PITRM1: variants seen among roughly 807,000 people sequenced by gnomAD.
PITRM1 encodes presequence protease, mitochondrial.
In PITRM1, 100 loss-of-function variants were observed where a neutral mutation model predicts 129.9. The observed-to-expected ratio is 0.77, with a 90% CI of 0.65 to 0.91. The LOEUF is 0.91. Ranked by LOEUF, PITRM1 falls within the 40% of genes least tolerant of loss-of-function variation. The probability of loss-of-function intolerance (pLI) is 0.00; values close to 1 mark genes in which losing one functional copy is unlikely to be tolerated. For synonymous variants in PITRM1, 591 were observed against 508.8 expected (o/e 1.16, Z -2.17); for missense variants, 1,471 against 1,318.3 (o/e 1.12, Z -1.79).
chr10:3,145,793 T>C, intron 20 of PITRM1, 77 bp from the exon 21 acceptor site: 2 of 1,134,238 alleles, frequency 1.8e-6, no homozygotes, highest in Non-Finnish European at 2.6e-6. Context: ...TTTGTATAAC[T>C]CAATAATGTT....
chr10:3,149,646 G>C lies in PITRM1; in HGVS notation c.1846C>G (p.Pro616Ala). The change falls in exon 16 of 27, where the codon CCC becomes GCC. Residue 616 changes from proline (P) to alanine (A), a missense_variant. Coordinates refer to ENST00000224949, the MANE Select transcript of PITRM1 (RefSeq NM_014889.4). ...TLPEELRPYV[P>A]LFCSVLTKLG... is the part of the protein sequence containing the mutation. ...TTGGTGAGGACGCTGCAGAAGAGGG[G>C]CACATAGGGCCTCAGCTCCTCGGGG... is the stretch of plus-strand genomic sequence containing the variant. The C allele has an allele frequency of 6.3e-7, 1 of 1,586,568 alleles. No homozygotes were observed. The highest frequency in any genetic ancestry group is 8.6e-7 in the Non-Finnish European group (1 of 1,169,524).
At position 3,148,036 on chromosome 10, in the gene PITRM1, C is replaced by G. The variant is rs1841088733; in HGVS notation, c.2020G>C (p.Asp674His). Residue 674 changes from aspartate to histidine, a missense_variant, in exon 18 of 27, where the codon GAT (aspartate) becomes CAT (histidine). Transcript: ENST00000224949. ...TGCATCATGTCTGGCAGGTTTCGAT[C>G]CAGGCAGAGAGAGGAGAAAAGCACA... ...QGVLFSSLCLDRNLPDMMQLW... is the reference protein window; with the variant it reads ...QGVLFSSLCLHRNLPDMMQLW... 1.9e-6 allele frequency: 3 copies of G among 1,613,802 alleles called. No homozygotes were observed. In the African/African-American group the frequency reaches 4.0e-5, roughly 22 times the overall value.
In PITRM1 at chr10:3,138,980, G is replaced by A. The variant is rs1419880936; in HGVS notation, c.2841C>T (p.Phe947=). ...KAVDWAKSGK[F]TQQDIDEAKL... is the part of the protein sequence containing the mutation. ...TGGCTTCGTCGATGTCTTGCTGTGT[G>A]AATTTTCCAGACTTAGCCCAGTCGA... The change falls in exon 25 of 27, where the codon TTC becomes TTT. Residue 947 remains phenylalanine (F), a synonymous_variant. Coordinates refer to ENST00000224949, the MANE Select transcript of PITRM1 (RefSeq NM_014889.4). 1 of 1,613,816 alleles carries A rather than the reference G, an allele frequency of 6.2e-7. No individual in the cohort carries two copies. Among genetic ancestry groups the A allele is most frequent in the Non-Finnish European group, 8.5e-7 (1 of 1,179,708 alleles).
Position 3,167,058 on chromosome 10 carries a change from A to G in PITRM1, c.160-16T>C. The G allele has an allele frequency of 6.7e-7, 1 of 1,499,256 alleles. No homozygotes were observed. The allele number at this position is 1,499,256 out of a possible 1,614,324, so 92.9% of individuals were successfully genotyped here. On this transcript the variant is annotated splice_polypyrimidine_tract_variant and intron_variant, in intron 2 of 26. Coordinates refer to ENST00000224949, the MANE Select transcript of PITRM1 (RefSeq NM_014889.4). ...CAGATGTCACCTGAGTTAACAAGAAAAACACGACCAGTTAAACTTAGACAA... is the reference window on the plus strand; with the variant it reads ...CAGATGTCACCTGAGTTAACAAGAAGAACACGACCAGTTAAACTTAGACAA...
intron 1 of PITRM1, among the ~76,000 whole-genome samples, chr10:3,171,571 G>A (rs1252037808): frequency 1.3e-5 from 2 of 152,144 alleles, no homozygotes; most frequent in Admixed American, 1.3e-4. Context: ...CTCCTGAGTG[G>A]CTGGGACTAC....
At chr10:3,158,660 T>C (rs9423708) in intron 10 of PITRM1, among the ~76,000 whole-genome samples, 101,477 of 152,106 alleles carry the variant, frequency 0.67, 34,111 homozygotes, top group Non-Finnish European at 0.72. Flanking sequence ...TGGACAAATG[T>C]CCCCTTGGGG....
chr10:3,138,660 G>A (rs1473652455), intron 25 of PITRM1: 3 of 631,394 alleles, frequency 4.8e-6, no homozygotes, highest in African/African-American at 1.8e-5. Flanking sequence ...ACCCTAAAGA[G>A]CCCGGACACT....
intron 6 of PITRM1, 85 bp downstream of exon 6, chr10:3,165,153 T>C (rs1842752339): frequency 4.1e-6 from 4 of 977,466 alleles, no homozygotes; most frequent in Non-Finnish European, 4.5e-6. Context: ...GAATATTAAA[T>C]AAAATCTTCC....
Position 3,137,759 on chromosome 10 carries a change from C to A in PITRM1, c.*272G>T, listed in dbSNP as rs536105223. The A allele has an allele frequency of 2.8e-5, 13 of 456,554 alleles. No individual in the cohort carries two copies. The East Asian group carries it at 6.0e-4, about 21-fold the overall frequency. The allele number at this position is 456,554 out of a possible 1,614,324, so 28.3% of individuals were successfully genotyped here. On this transcript the variant is annotated 3_prime_UTR_variant, in exon 27 of 27. Coordinates refer to ENST00000224949, the MANE Select transcript of PITRM1 (RefSeq NM_014889.4). ...CAGAGTTGCCCTTTATTTTTAGATT[C>A]TTAAATATTCTAGAATGAGGTAAAA... is the stretch of plus-strand genomic sequence containing the variant.
At position 3,140,701 on chromosome 10, in the gene PITRM1, G is replaced by T; in HGVS notation, c.2757C>A (p.Thr919=). ...GCAAAACTCACCTGTAAGAGTAAAG[G>T]GTGAAAATCCCATTGTGGCTGAGTT... The part of the protein sequence containing the change: ...GAKLSHNGIF[T]LYSYRDPNTI... Residue 919 remains threonine, a synonymous_variant, in exon 24 of 27, where the codon ACC becomes ACA. Transcript: ENST00000224949. 2 of 1,600,102 alleles carry T rather than the reference G, an allele frequency of 1.2e-6. No homozygotes were observed. Among genetic ancestry groups the T allele is most frequent in the East Asian group, 2.2e-5 (1 of 44,580 alleles).
intron 7 of PITRM1, among the ~76,000 whole-genome samples, chr10:3,162,064 C>T (rs1240516091): frequency 6.6e-6 from 1 of 151,098 alleles, no homozygotes; most frequent in Non-Finnish European, 1.5e-5. Flanking sequence ...CCCAGCTACT[C>T]AGGAGGCTGA....
intron 12 of PITRM1, 179 bp from the exon 13 acceptor site, chr10:3,157,243 G>A (rs1217867192): frequency 4.3e-5 from 30 of 698,488 alleles, no homozygotes; most frequent in Non-Finnish European, 6.1e-5. Context: ...CTTTAGCCCT[G>A]TTTTGTTCCA....
intron 2 of PITRM1, among the ~76,000 whole-genome samples, chr10:3,167,256 A>G (rs775097522): frequency 4.3e-5 from 6 of 138,324 alleles, no homozygotes; most frequent in Admixed American, 2.2e-4. Flanking sequence ...AGATGAGAAT[A>G]TGTGTGTGTG....
rs1298689981 is a variant in PITRM1, at chr10:3,147,239, C to T, written c.2247G>A (p.Met749Ile). Residue 749 changes from methionine (M) to isoleucine (I), a missense_variant, in exon 20 of 27, where the codon ATG (methionine) becomes ATA (isoleucine). By Grantham distance (10) the Met-to-Ile change is conservative. Coordinates refer to ENST00000224949, the MANE Select transcript of PITRM1 (RefSeq NM_014889.4). ...TATCTGTCATTTCTGCAATCCTCTT[C>T]ATCAGCCGCACCTAAGCCAGAGGAA... ...TFSGMDQVRL[M>I]KRIAEMTDIK... 14 of 1,612,198 alleles carry T rather than the reference C, an allele frequency of 8.7e-6. No homozygotes were observed. The highest frequency in any genetic ancestry group is 1.2e-5 in the Non-Finnish European group (14 of 1,178,324).
chr10:3,151,100 C>G (rs17287235), intron 15 of PITRM1, 147 bp downstream of exon 15: 98,648 of 634,948 alleles, frequency 0.16, 8,361 homozygotes, highest in African/African-American at 0.18. Context: ...GCAGAAGAAT[C>G]GTGTAGAGCG....
intron 16 of PITRM1, chr10:3,148,938 AC>A (rs1297695431): frequency 6.6e-6 from 1 of 152,326 alleles, no homozygotes; most frequent in African/African-American, 2.4e-5. Flanking sequence ...ATCTGAGCGG[AC>A]CCTCAGCCAG....
intron 1 of PITRM1, among the ~76,000 whole-genome samples, chr10:3,170,864 G>A (rs923659190): frequency 6.6e-6 from 1 of 152,054 alleles, no homozygotes. Flanking sequence ...TTGGGAGGCT[G>A]AGGCAGGAGA....
At position 3,165,511 on chromosome 10, in the gene PITRM1, C is replaced by T. The variant is rs754414142; in HGVS notation, c.435G>A (p.Leu145=). Reference sequence around the variant, plus strand: ...TGGGATTTTGTGTGGAAAATGGATACAGAGTATAATCACTAGCTGGGTACA... The same window carrying T: ...TGGGATTTTGTGTGGAAAATGGATATAGAGTATAATCACTAGCTGGGTACA... ...MNAFTASDYT[L]YPFSTQNPKD... Residue 145 remains leucine (L), a synonymous_variant, in exon 5 of 27, where the codon CTG becomes CTA. Coordinates refer to ENST00000224949, the MANE Select transcript of PITRM1 (RefSeq NM_014889.4). The T allele has an allele frequency of 1.3e-6, 2 of 1,598,446 alleles. No individual in the cohort carries two copies. The highest frequency in any genetic ancestry group is 1.3e-5 in the African/African-American group (1 of 74,600).
At chr10:3,142,623 G>A (rs1400033656) in intron 23 of PITRM1, among the ~76,000 whole-genome samples, 1 of 152,256 alleles carries the variant, frequency 6.6e-6, no homozygotes, top group Non-Finnish European at 1.5e-5. Context: ...TTCGGAAGAA[G>A]GGGCTGGAGG....
Sources: allele counts gnomAD v4.1 joint callset (sites outside exome capture counted in the v4.1 genomes callset), GRCh38; gene constraint gnomAD v4.1.1; transcripts MANE v1.5; gene names NCBI Gene and HGNC (gene_info 2026-07-23, HGNC 2026-07-21).